Variants in FCHSD2 observed in about 807,000 individuals in gnomAD.
The protein encoded by FCHSD2 is FCH and double SH3 domains 2.
A neutral mutation model predicts 108.1 loss-of-function variants in FCHSD2; 38 were observed. That is an observed-to-expected ratio of 0.35 (90% CI 0.27 to 0.46). The LOEUF (loss-of-function observed/expected upper bound fraction) is 0.46. Ranked by LOEUF, FCHSD2 falls within the 20% of genes least tolerant of loss-of-function variation. The pLI, the probability that FCHSD2 is intolerant of heterozygous loss-of-function variation, is 1.00. For missense variants in FCHSD2, 751 were observed against 897.8 expected, an observed-to-expected ratio of 0.84 and a Z score of 2.09; for synonymous variants, 279 against 314.7, an observed-to-expected ratio of 0.89 and a Z score of 1.20.
At chr11:72,928,259 T>G (rs979664630) in intron 8 of FCHSD2, among the ~76,000 whole-genome samples, 1 of 151,974 alleles carries the variant, frequency 6.6e-6, no homozygotes, top group Non-Finnish European at 1.5e-5. Flanking sequence ...TTCCACAAAA[T>G]TTTTTTCAAT....
At chr11:73,059,031 G>A (rs1478094862) in intron 3 of FCHSD2, among the ~76,000 whole-genome samples, 2 of 151,910 alleles carry the variant, frequency 1.3e-5, no homozygotes, top group Non-Finnish European at 2.9e-5. Context: ...TAGTTTTTAA[G>A]CTAAGCTAAG....
chr11:72,979,234 A>G (rs1053583048), intron 8 of FCHSD2, among the ~76,000 whole-genome samples: 9 of 152,192 alleles, frequency 5.9e-5, no homozygotes, highest in Non-Finnish European at 1.0e-4. Flanking sequence ...GATGTGGAGA[A>G]AACAGAACTC....
chr11:73,125,545 A>G (rs1316318130), intron 2 of FCHSD2, among the ~76,000 whole-genome samples: 1 of 152,152 alleles, frequency 6.6e-6, no homozygotes, highest in Non-Finnish European at 1.5e-5. Flanking sequence ...CTCTACTAAG[A>G]ATTTAAAAAA....
intron 2 of FCHSD2, among the ~76,000 whole-genome samples, chr11:73,090,134 T>C (rs1033990555): frequency 6.6e-6 from 1 of 150,900 alleles, no homozygotes; most frequent in Non-Finnish European, 1.5e-5. Context: ...TAATGTTAAG[T>C]AAACAAAAAA....
intron 11 of FCHSD2, 73 bp downstream of exon 11, chr11:72,889,756 T>G (rs939921831): frequency 1.3e-5 from 11 of 826,624 alleles, no homozygotes; most frequent in African/African-American, 1.2e-4. Context: ...TTCACATTAA[T>G]AAAACTCAGT....
chr11:73,084,861 T>C (rs1344805499), intron 2 of FCHSD2, among the ~76,000 whole-genome samples: 1 of 151,848 alleles, frequency 6.6e-6, no homozygotes, highest in East Asian at 1.9e-4. Flanking sequence ...TTACCTTGAA[T>C]ATCCTGAGTT....
Position 72,940,964 on chromosome 11 carries a change from A to G in FCHSD2, c.706-19014T>C, listed in dbSNP as rs1013925519. The G allele has an allele frequency of 5.3e-6, 4 of 758,648 alleles. No homozygotes were observed. The African/African-American group carries it at 6.8e-5, about 13-fold the overall frequency. 47.0% of individuals were successfully genotyped at this position (758,648 alleles called of 1,614,324 possible). A position where few individuals can be genotyped will look rare whatever the true frequency, so the allele number is the denominator to read the frequency against. On this transcript the variant is annotated intron_variant, in intron 8 of 19. Transcript: ENST00000409418. ...ACCCAATGGATCACCAAAGCAGTCT[A>G]TAAGCACAGGGAGATGTGTGGGCTG... is the stretch of plus-strand genomic sequence containing the variant.
intron 3 of FCHSD2, among the ~76,000 whole-genome samples, chr11:73,021,499 C>A (rs12421091): frequency 6.6e-6 from 1 of 152,002 alleles, no homozygotes; most frequent in Non-Finnish European, 1.5e-5. Context: ...TAAATGGGAG[C>A]TAAATGATGA....
chr11:72,883,055 A>ATATG lies in FCHSD2; in HGVS notation c.1146+4414_1146+4415insCATA, dbSNP rs541672478. 1.6e-3 allele frequency among the ~76,000 whole-genome samples: 241 copies of ATATG among 152,322 alleles called. 1 individual carries two copies. Among genetic ancestry groups the ATATG allele is most frequent in the South Asian group, 5.0e-3 (24 of 4,820 alleles). ...ATACGGGTGCAAAGGTAATGGGAAA[A>ATATG]GCATACTCTTTAAAATATGATGGTG... On this transcript the variant is annotated intron_variant, in intron 12 of 19. Transcript: ENST00000409418.
chr11:72,987,625 A>C lies in FCHSD2; in HGVS notation c.521+1339T>G, dbSNP rs1350513856. ...ATCCCCTCTGAATTTGGGTCATGTT[A>C]GAAGGCAATTCCTTGTGATCAGCTC... On this transcript the variant is annotated intron_variant, in intron 6 of 19. Coordinates refer to ENST00000409418, the MANE Select transcript of FCHSD2 (RefSeq NM_014824.3). 2.0e-5 allele frequency among the ~76,000 whole-genome samples: 3 copies of C among 152,210 alleles called. No individual in the cohort carries two copies. In the East Asian group the frequency reaches 5.8e-4, roughly 29 times the overall value.
chr11:72,843,991 G>C (rs1010352118), intron 14 of FCHSD2, among the ~76,000 whole-genome samples: 1 of 152,082 alleles, frequency 6.6e-6, no homozygotes, highest in African/African-American at 2.4e-5. Context: ...CTGGGCAACA[G>C]AGCGAGACCC....
chr11:73,004,102 C>T (rs1382921402), intron 4 of FCHSD2, among the ~76,000 whole-genome samples: 1 of 104,590 alleles, frequency 9.6e-6, no homozygotes, highest in Non-Finnish European at 1.9e-5. Context: ...GAGTAAGACT[C>T]CAACTCCAAA....
chr11:72,931,268 T>TA (rs1215900193), intron 8 of FCHSD2, among the ~76,000 whole-genome samples: 2 of 42,438 alleles, frequency 4.7e-5, no homozygotes, highest in East Asian at 1.8e-3. Flanking sequence ...CTAATTTTTG[T>TA]GGGTTTTTTT....
chr11:72,896,742 G>A (rs1855425202), intron 10 of FCHSD2, among the ~76,000 whole-genome samples: 2 of 124,406 alleles, frequency 1.6e-5, no homozygotes, highest in Non-Finnish European at 3.2e-5. Flanking sequence ...GGTATTTCCT[G>A]TAGCAATTAG....
At chr11:72,998,100 AT>A (rs1207129781) in intron 5 of FCHSD2, among the ~76,000 whole-genome samples, 2 of 152,342 alleles carry the variant, frequency 1.3e-5, no homozygotes, top group South Asian at 2.1e-4. Flanking sequence ...GGAAAACAAA[AT>A]GCTGAAAAAG....
chr11:72,908,620 T>C (rs918190222), intron 9 of FCHSD2, among the ~76,000 whole-genome samples: 3 of 152,220 alleles, frequency 2.0e-5, no homozygotes, highest in African/African-American at 4.8e-5. Context: ...TTGATTTGCA[T>C]TTCTCTGATG....
intron 2 of FCHSD2, among the ~76,000 whole-genome samples, chr11:73,089,868 A>T (rs1428369172): frequency 6.6e-6 from 1 of 152,218 alleles, no homozygotes; most frequent in African/African-American, 2.4e-5. Context: ...TGAACATGTA[A>T]AAATAGCCAT....
intron 8 of FCHSD2, among the ~76,000 whole-genome samples, chr11:72,975,390 T>G (rs1857085993): frequency 6.6e-6 from 1 of 152,132 alleles, no homozygotes; most frequent in Non-Finnish European, 1.5e-5. Context: ...AGAGGTTGGT[T>G]AATGGGTATA....
At chr11:73,020,806 C>G (rs1283103167) in intron 3 of FCHSD2, among the ~76,000 whole-genome samples, 1 of 151,606 alleles carries the variant, frequency 6.6e-6, no homozygotes, top group East Asian at 1.9e-4. Flanking sequence ...TATCTTTTAG[C>G]CTTTTCCCAT....
Sources: gnomAD v4.1 joint callset for allele counts (sites outside exome capture counted in the v4.1 genomes callset) on GRCh38, gnomAD v4.1.1 for gene constraint, MANE v1.5 for transcripts, NCBI Gene and HGNC (gene_info 2026-07-23, HGNC 2026-07-21) for gene names.